The following KDM4C variants were observed in gnomAD, a reference collection of about 807,000 sequenced individuals.
KDM4C encodes the protein lysine-specific demethylase 4C.
KDM4C carries 81 observed loss-of-function variants against 129.3 expected under a neutral mutation model. The ratio of observed to expected loss-of-function variants is 0.63; its 90% CI spans 0.52 to 0.75. The LOEUF (loss-of-function observed/expected upper bound fraction) is 0.75, where lower values mean the gene tolerates loss of function less well. Among genes scored for constraint, KDM4C ranks in the 30% least tolerant of loss-of-function variants. The probability of loss-of-function intolerance (pLI) is 0.00; values close to 1 mark genes in which losing one functional copy is unlikely to be tolerated. For missense variants in KDM4C, 1,457 were observed against 1,304.0 expected, an observed-to-expected ratio of 1.12 and a Z score of -1.81; for synonymous variants, 573 against 456.1, an observed-to-expected ratio of 1.26 and a Z score of -3.26.
At chr9:6,850,980 C>G (rs886191437) in intron 5 of KDM4C, among the ~76,000 whole-genome samples, 3 of 152,102 alleles carry the variant, frequency 2.0e-5, no homozygotes, top group East Asian at 1.9e-4. Flanking sequence ...GTCTCGAACT[C>G]TTGACCTCAG....
At chr9:6,845,607 C>T (rs1357647304) in intron 4 of KDM4C, among the ~76,000 whole-genome samples, 2 of 152,132 alleles carry the variant, frequency 1.3e-5, no homozygotes, top group African/African-American at 4.8e-5. Context: ...TTCTCAGTTA[C>T]ACCTGTGTGC....
intron 1 of KDM4C, among the ~76,000 whole-genome samples, chr9:6,738,259 C>A (rs1817590465): frequency 6.6e-6 from 1 of 152,048 alleles, no homozygotes; most frequent in African/African-American, 2.4e-5. Flanking sequence ...GATGGATCAG[C>A]TGAGGTCAGG....
chr9:6,856,523 T>C (rs1315189039), intron 5 of KDM4C, among the ~76,000 whole-genome samples: 1 of 149,074 alleles, frequency 6.7e-6, no homozygotes, highest in Admixed American at 6.8e-5. Context: ...GTTTTAGGCA[T>C]ATCTCTCTCT....
chr9:6,974,628 G>C (rs925259111), intron 8 of KDM4C: 9 of 152,280 alleles, frequency 5.9e-5, no homozygotes, highest in African/African-American at 1.9e-4. Flanking sequence ...AAAGTGCTGG[G>C]ATTCCAGGCG....
At position 7,140,625 on chromosome 9, in the gene KDM4C, C is replaced by G. The variant is rs374126357; in HGVS notation, c.2781+12389C>G. ...CTGCATATGGTCATACATGGATTCT[C>G]TAGTCAAGAAATACCTTATCCTTCC... is the stretch of plus-strand genomic sequence containing the variant. On this transcript the variant is annotated intron_variant, in intron 19 of 21. Coordinates refer to ENST00000381309, the MANE Select transcript of KDM4C (RefSeq NM_015061.6). Among the ~76,000 whole-genome samples, 12 of 152,276 alleles carry G rather than the reference C, an allele frequency of 7.9e-5. No individual in the cohort carries two copies. The East Asian group carries it at 1.3e-3, about 17-fold the overall frequency.
chr9:6,788,451 C>G (rs1825903833), intron 1 of KDM4C, among the ~76,000 whole-genome samples: 1 of 152,152 alleles, frequency 6.6e-6, no homozygotes, highest in East Asian at 1.9e-4. Flanking sequence ...GGGCTTCTAC[C>G]CTGTTCTCAC....
At chr9:6,767,315 G>A (rs1437723347) in intron 1 of KDM4C, among the ~76,000 whole-genome samples, 1 of 150,668 alleles carries the variant, frequency 6.6e-6, no homozygotes, top group Non-Finnish European at 1.5e-5. Flanking sequence ...TAATTTTTTT[G>A]TGTTTTTAGT....
chr9:6,744,849 A>C (rs533653033), intron 1 of KDM4C, among the ~76,000 whole-genome samples: 1 of 151,764 alleles, frequency 6.6e-6, no homozygotes, highest in African/African-American at 2.4e-5. Context: ...GCACCAGGGC[A>C]AGGTGGGGGG....
chr9:6,930,545 A>T (rs577434186), intron 8 of KDM4C, among the ~76,000 whole-genome samples: 1 of 97,802 alleles, frequency 1.0e-5, no homozygotes, highest in Non-Finnish European at 2.5e-5. Flanking sequence ...TGTGTTATAT[A>T]TAACAACAGT....
In KDM4C at chr9:7,089,386, G is replaced by A. The variant is rs146924904; in HGVS notation, c.2425-14299G>A. On this transcript the variant is annotated intron_variant, in intron 17 of 21. Coordinates refer to ENST00000381309, the MANE Select transcript of KDM4C (RefSeq NM_015061.6). ...TTGCAGCAGGATCGAGTTCTTCACA[G>A]TATTGACTCAGTGGTATTTGTAGGG... Among the ~76,000 whole-genome samples, 376 of 152,282 alleles carry A rather than the reference G, an allele frequency of 2.5e-3. 2 individuals carry two copies. Among genetic ancestry groups the A allele is most frequent in the African/African-American group, 8.6e-3 (359 of 41,540 alleles).
chr9:7,076,320 G>A, intron 17 of KDM4C: 1 of 713,702 alleles, frequency 1.4e-6, no homozygotes, highest in Non-Finnish European at 2.5e-6. Context: ...CATATGGGAA[G>A]TGTCTGAGCT....
At chr9:6,832,161 A>AC (rs2131324785) in intron 4 of KDM4C, among the ~76,000 whole-genome samples, 1 of 151,658 alleles carries the variant, frequency 6.6e-6, no homozygotes, top group African/African-American at 2.4e-5. Flanking sequence ...ACACGGTGAA[A>AC]CCCCGTCTCT....
chr9:7,060,822 T>C (rs1831552713), intron 17 of KDM4C, among the ~76,000 whole-genome samples: 1 of 152,168 alleles, frequency 6.6e-6, no homozygotes, highest in African/African-American at 2.4e-5. Context: ...ATGTAGCAGT[T>C]GCGTGGGCAT....
chr9:6,934,145 G>A (rs1457905225), intron 8 of KDM4C, among the ~76,000 whole-genome samples: 2 of 150,894 alleles, frequency 1.3e-5, no homozygotes, highest in Non-Finnish European at 3.0e-5. Flanking sequence ...GAGCCATTGC[G>A]CCTGGCCCAG....
In KDM4C at chr9:6,728,714, C is replaced by T. The variant is rs532149378; in HGVS notation, c.49+7717C>T. 3.4e-5 allele frequency among the ~76,000 whole-genome samples: 5 copies of T among 147,224 alleles called. No homozygotes were observed. The East Asian group carries it at 8.3e-4, about 25-fold the overall frequency. ...TACAAAAATTAGCCAGGGATGGTGG[C>T]GCATGCCTATAATCCCAGCTACTCA... is the stretch of plus-strand genomic sequence containing the variant. On this transcript the variant is annotated intron_variant, in intron 1 of 17. Coordinates refer to the KDM4C transcript ENST00000536108.
At chr9:7,010,286 A>T (rs1822456697) in intron 12 of KDM4C, among the ~76,000 whole-genome samples, 1 of 152,210 alleles carries the variant, frequency 6.6e-6, no homozygotes, top group Non-Finnish European at 1.5e-5. Flanking sequence ...GTGAATACCA[A>T]GTGTTTTCCA....
At chr9:7,024,854 T>C (rs1028225959) in intron 15 of KDM4C, among the ~76,000 whole-genome samples, 1 of 152,164 alleles carries the variant, frequency 6.6e-6, no homozygotes. Flanking sequence ...TATCCAGTAA[T>C]GGGATGGCTG....
chr9:7,078,148 G>A (rs562163793), intron 17 of KDM4C, among the ~76,000 whole-genome samples: 13 of 152,064 alleles, frequency 8.5e-5, no homozygotes, highest in South Asian at 8.3e-4. Context: ...CCATATTGTC[G>A]TTGTCTCTGG....
chr9:7,006,596 A>C (rs1014094464), intron 12 of KDM4C, among the ~76,000 whole-genome samples: 5 of 152,074 alleles, frequency 3.3e-5, no homozygotes, highest in Non-Finnish European at 7.4e-5. Context: ...TGAATGGCTA[A>C]TTACTGTGAT....
Sources: gnomAD v4.1 joint callset for allele counts (sites outside exome capture counted in the v4.1 genomes callset) on GRCh38, gnomAD v4.1.1 for gene constraint, MANE v1.5 for transcripts, NCBI Gene and HGNC (gene_info 2026-07-23, HGNC 2026-07-21) for gene names.